IGSF10: variants seen among roughly 807,000 people sequenced by gnomAD.
The protein encoded by IGSF10 is calvaria mechanical force protein 608.
IGSF10 carries 126 observed loss-of-function variants against 128.2 expected under a neutral mutation model. That is an observed-to-expected ratio of 0.98 (90% CI 0.85 to 1.14). The LOEUF (loss-of-function observed/expected upper bound fraction) is 1.14. Among genes scored for constraint, IGSF10 ranks in the 50% most tolerant of loss-of-function variants. The pLI is 0.00. For synonymous variants in IGSF10, 1,185 were observed against 1,146.2 expected, an observed-to-expected ratio of 1.03 and a Z score of -0.68; for missense variants, 3,295 against 3,149.8, an observed-to-expected ratio of 1.05 and a Z score of -1.10.
At chr3:151,539,030 G>T in the IGSF10 span, among the ~76,000 whole-genome samples, 1 of 152,162 alleles carries the variant, frequency 6.6e-6, no homozygotes, top group East Asian at 1.9e-4. Context: ...AAAAACACTG[G>T]AAGAGGAACA....
At chr3:151,507,618 G>C in the IGSF10 span, among the ~76,000 whole-genome samples, 1 of 152,012 alleles carries the variant, frequency 6.6e-6, no homozygotes. Context: ...TTCACACGAT[G>C]GCAGGAACGA....
chr3:151,549,172 G>A, the IGSF10 span, among the ~76,000 whole-genome samples: 1 of 152,166 alleles, frequency 6.6e-6, no homozygotes, highest in South Asian at 2.1e-4. Context: ...AAATGGAGAG[G>A]AGTAGTTGGT....
chr3:151,443,054 C>T lies in IGSF10; in HGVS notation c.5893G>A (p.Ala1965Thr), dbSNP rs1258342998. 1.9e-6 allele frequency: 3 copies of T among 1,614,116 alleles called. No individual in the cohort carries two copies. The highest frequency in any genetic ancestry group is 2.5e-6 in the Non-Finnish European group (3 of 1,180,050). The change falls in exon 7 of 8, where the codon GCC becomes ACC. Residue 1965 changes from alanine (A) to threonine (T), a missense_variant. Coordinates refer to ENST00000282466, the MANE Select transcript of IGSF10 (RefSeq NM_178822.5). Reference sequence around the variant, plus strand: ...ATTTGGGGTTTGGGCTCCCCAGTGGCTGAGCAGTTCAGTAGTAATTTGTCC... The same window carrying T: ...ATTTGGGGTTTGGGCTCCCCAGTGGTTGAGCAGTTCAGTAGTAATTTGTCC... ...FGDKLLLNCS[A>T]TGEPKPQIMW... is the part of the protein sequence containing the mutation.
upstream of IGSF10, chr3:151,461,614 T>C (rs1341002004): frequency 5.2e-5 from 9 of 172,210 alleles, no homozygotes; most frequent in East Asian, 1.1e-3. Context: ...GCAGCTAAAA[T>C]CTACTCTTTT....
the IGSF10 span, among the ~76,000 whole-genome samples, chr3:151,589,164 CTCTT>C: frequency 6.6e-6 from 1 of 152,042 alleles, no homozygotes; most frequent in Non-Finnish European, 1.5e-5. Context: ...ATGCAGTGAG[CTCTT>C]TCTGAGTTCT....
the IGSF10 span, among the ~76,000 whole-genome samples, chr3:151,561,622 A>T: frequency 1.3e-5 from 2 of 152,322 alleles, no homozygotes; most frequent in Non-Finnish European, 1.5e-5. Context: ...AGAGTAAACA[A>T]GATGCATATG....
At chr3:151,462,202 G>GCA (rs1374565342), upstream of IGSF10, among the ~76,000 whole-genome samples, 2 of 152,068 alleles carry the variant, frequency 1.3e-5, no homozygotes, top group African/African-American at 4.8e-5. Flanking sequence ...TAGTTACATA[G>GCA]CACTTAAGCT....
chr3:151,517,249 A>G, the IGSF10 span, among the ~76,000 whole-genome samples: 1 of 152,020 alleles, frequency 6.6e-6, no homozygotes, highest in African/African-American at 2.4e-5. Context: ...CTTCTTGTTG[A>G]CCATGGAGAA....
intron 5 of IGSF10, among the ~76,000 whole-genome samples, chr3:151,449,547 A>G (rs1370440994): frequency 6.6e-6 from 1 of 152,216 alleles, no homozygotes; most frequent in Non-Finnish European, 1.5e-5. Flanking sequence ...TACCCAGTAA[A>G]TATTAGTTGA....
chr3:151,461,426 T>C, upstream of IGSF10: 5 of 984,690 alleles, frequency 5.1e-6, no homozygotes, highest in Non-Finnish European at 6.0e-6. Context: ...TGACCTGTGA[T>C]ACCTGCAGTG....
the IGSF10 span, among the ~76,000 whole-genome samples, chr3:151,515,322 C>G: frequency 5.3e-4 from 80 of 151,728 alleles, no homozygotes; most frequent in African/African-American, 1.8e-3. Flanking sequence ...TTTGTATGGA[C>G]ATGGATGAAG....
the IGSF10 span, among the ~76,000 whole-genome samples, chr3:151,493,318 A>G: frequency 4.6e-4 from 70 of 152,168 alleles, no homozygotes; most frequent in Admixed American, 1.2e-3. Context: ...GTGAGTTAAT[A>G]TATTAGTTTG....
In IGSF10 at chr3:151,447,243, C is replaced by T. The variant is rs749633948; in HGVS notation, c.2738G>A (p.Arg913Lys). ...FQDSDQMGRGREHFQSRPPIT... is the reference protein window; with the variant it reads ...FQDSDQMGRGKEHFQSRPPIT... ...TGGGGGTCTACTTTGGAAATGCTCT[C>T]TTCCTCTTCCCATCTGGTCAGAGTC... Residue 913 changes from arginine to lysine, a missense_variant, in exon 6 of 8, where the codon AGA becomes AAA. Transcript: ENST00000282466. 3.7e-6 allele frequency: 6 copies of T among 1,614,234 alleles called. No homozygotes were observed. The South Asian group carries it at 6.6e-5, about 18-fold the overall frequency.
chr3:151,453,232 T>C (rs1182125440), intron 5 of IGSF10, 152 bp downstream of exon 5: 7 of 646,072 alleles, frequency 1.1e-5, no homozygotes, highest in Non-Finnish European at 5.0e-6. Context: ...AACACAGCCA[T>C]AGATGATGTG....
the IGSF10 span, among the ~76,000 whole-genome samples, chr3:151,528,393 G>A: frequency 6.6e-6 from 1 of 152,182 alleles, no homozygotes; most frequent in African/African-American, 2.4e-5. Context: ...ATAAAAATTA[G>A]GTATGGGGGA....
At chr3:151,550,670 T>A in the IGSF10 span, among the ~76,000 whole-genome samples, 4 of 152,124 alleles carry the variant, frequency 2.6e-5, no homozygotes, top group African/African-American at 9.7e-5. Flanking sequence ...GTCATTACGA[T>A]TTTTTTCTCG....
chr3:151,537,575 G>A, the IGSF10 span, among the ~76,000 whole-genome samples: 5 of 151,954 alleles, frequency 3.3e-5, no homozygotes, highest in Non-Finnish European at 7.4e-5. Flanking sequence ...ACCGAAATAG[G>A]GTTTATACTA....
downstream of IGSF10, chr3:151,432,714 G>A: frequency 6.5e-7 from 1 of 1,539,390 alleles, no homozygotes; most frequent in Non-Finnish European, 9.0e-7. Flanking sequence ...CAATAGTTTT[G>A]TGTCTGTAAT....
chr3:151,454,101 T>C (rs1372614471), intron 4 of IGSF10, among the ~76,000 whole-genome samples: 2 of 150,476 alleles, frequency 1.3e-5, no homozygotes, highest in Admixed American at 6.7e-5. Flanking sequence ...TACTGCAACC[T>C]CCGCCTCCTG....
Sources: allele counts gnomAD v4.1 joint callset (sites outside exome capture counted in the v4.1 genomes callset), GRCh38; gene constraint gnomAD v4.1.1; transcripts MANE v1.5; gene names NCBI Gene and HGNC (gene_info 2026-07-23, HGNC 2026-07-21).